The following PTPRD variants were observed in gnomAD, a reference collection of about 807,000 sequenced individuals.
The protein encoded by PTPRD is receptor-type tyrosine-protein phosphatase delta.
Under a neutral mutation model 214.5 loss-of-function variants are expected in PTPRD, and 34 were observed. The observed-to-expected ratio is 0.16, with a 90% confidence interval of 0.12 to 0.21. The LOEUF (loss-of-function observed/expected upper bound fraction) is 0.21. Ranked by LOEUF, PTPRD falls within the 10% of genes least tolerant of loss-of-function variation. PTPRD has a pLI of 1.00. For missense variants in PTPRD, 2,545 were observed against 2,398.7 expected, an observed-to-expected ratio of 1.06 and a Z score of -1.27; for synonymous variants, 1,128 against 845.7, an observed-to-expected ratio of 1.33 and a Z score of -5.79.
intron 2 of PTPRD, among the ~76,000 whole-genome samples, chr9:10,355,087 C>G (rs1023430772): frequency 6.6e-6 from 1 of 151,978 alleles, no homozygotes; most frequent in African/African-American, 2.4e-5. Flanking sequence ...TCTACTTTGG[C>G]AAATTTTATT....
intron 14 of PTPRD, among the ~76,000 whole-genome samples, chr9:8,534,978 T>C (rs1009499107): frequency 6.6e-6 from 1 of 151,960 alleles, no homozygotes; most frequent in African/African-American, 2.4e-5. Context: ...GCCTCCTTTG[T>C]GCTGGACTGG....
At chr9:8,324,385 A>G (rs1045480796) in intron 44 of PTPRD, among the ~76,000 whole-genome samples, 9 of 152,160 alleles carry the variant, frequency 5.9e-5, no homozygotes, top group Non-Finnish European at 8.8e-5. Context: ...TTTGCTGAGA[A>G]TGATGGTTTC....
At position 8,488,404 on chromosome 9, in the gene PTPRD, TCAA is replaced by T. The variant is rs548276573; in HGVS notation, c.2468-2058_2468-2056del. Among the ~76,000 whole-genome samples the T allele has an allele frequency of 3.3e-4, 50 of 152,354 alleles. 1 individual carries two copies. In the South Asian group the frequency reaches 9.5e-3, roughly 29 times the overall value. The stretch of plus-strand genomic sequence containing the variant: ...CTAAAGTTTTTAGATAAATAATTAT[TCAA>T]CAACATGTGTGCTGTGTTATACATA... On this transcript the variant is annotated intron_variant, in intron 27 of 45. Transcript: ENST00000381196.
At chr9:8,351,793 C>T (rs1252318967) in intron 39 of PTPRD, among the ~76,000 whole-genome samples, 1 of 147,700 alleles carries the variant, frequency 6.8e-6, no homozygotes, top group Admixed American at 6.7e-5. Flanking sequence ...GGGAGATGAC[C>T]CAGAGCCATG....
chr9:10,133,215 T>C (rs973165998), intron 3 of PTPRD, among the ~76,000 whole-genome samples: 1 of 152,096 alleles, frequency 6.6e-6, no homozygotes, highest in Admixed American at 6.6e-5. Context: ...TGCTGAAGTA[T>C]ATGTCCAGGT....
At chr9:8,733,700 A>T in intron 12 of PTPRD, 80 bp downstream of exon 12, 3 of 1,380,362 alleles carry the variant, frequency 2.2e-6, no homozygotes, top group Non-Finnish European at 2.0e-6. Context: ...ATGTATTCAG[A>T]GGCCCTGAGC....
intron 11 of PTPRD, among the ~76,000 whole-genome samples, chr9:8,848,592 G>C (rs1366071455): frequency 1.3e-5 from 2 of 148,392 alleles, no homozygotes; most frequent in Non-Finnish European, 3.0e-5. Flanking sequence ...TAATCCTCCT[G>C]TCTTGGCCTC....
chr9:9,841,822 G>C (rs1168553289), intron 5 of PTPRD, among the ~76,000 whole-genome samples: 1 of 151,934 alleles, frequency 6.6e-6, no homozygotes, highest in East Asian at 1.9e-4. Flanking sequence ...ATGTACCTTA[G>C]GTTAAATACT....
chr9:9,205,084 C>G (rs2099944048), intron 9 of PTPRD, among the ~76,000 whole-genome samples: 1 of 152,082 alleles, frequency 6.6e-6, no homozygotes, highest in African/African-American at 2.4e-5. Flanking sequence ...CATTACTAAT[C>G]TGATGCTTTG....
intron 5 of PTPRD, among the ~76,000 whole-genome samples, chr9:9,837,030 C>G (rs1385091761): frequency 6.6e-6 from 1 of 151,918 alleles, no homozygotes; most frequent in African/African-American, 2.4e-5. Context: ...TAATTATATC[C>G]TTATAGGTGC....
chr9:9,047,381 T>C (rs1280770262), intron 10 of PTPRD, among the ~76,000 whole-genome samples: 1 of 152,110 alleles, frequency 6.6e-6, no homozygotes, highest in Admixed American at 6.6e-5. Flanking sequence ...AATGACATTT[T>C]TTATATAAAT....
intron 11 of PTPRD, among the ~76,000 whole-genome samples, chr9:8,976,090 G>T (rs944781673): frequency 2.6e-5 from 4 of 151,968 alleles, no homozygotes; most frequent in Non-Finnish European, 5.9e-5. Flanking sequence ...TTTCTGGGGA[G>T]TCCTAATAAA....
intron 3 of PTPRD, among the ~76,000 whole-genome samples, chr9:10,075,201 C>G (rs930265557): frequency 6.6e-6 from 1 of 152,008 alleles, no homozygotes; most frequent in African/African-American, 2.4e-5. Context: ...AACCTACATT[C>G]ATTTTTATTA....
chr9:9,012,176 C>T (rs1347118027), intron 11 of PTPRD, among the ~76,000 whole-genome samples: 3 of 152,142 alleles, frequency 2.0e-5, no homozygotes, highest in Admixed American at 6.6e-5. Context: ...CTCAGTCTTA[C>T]AGCCACAGGA....
At chr9:10,207,901 AAG>A (rs1239597773) in intron 3 of PTPRD, among the ~76,000 whole-genome samples, 1 of 152,172 alleles carries the variant, frequency 6.6e-6, no homozygotes, top group Non-Finnish European at 1.5e-5. Context: ...AAAAGGAAAA[AAG>A]TAATTTACCT....
At chr9:9,366,731 A>G (rs2057990462) in intron 9 of PTPRD, among the ~76,000 whole-genome samples, 2 of 151,614 alleles carry the variant, frequency 1.3e-5, no homozygotes, top group Non-Finnish European at 1.5e-5. Flanking sequence ...CATTAAGAAT[A>G]TGGAAAAATT....
intron 14 of PTPRD, among the ~76,000 whole-genome samples, chr9:8,628,605 A>C (rs56158447): frequency 6.8e-6 from 1 of 147,448 alleles, no homozygotes; most frequent in South Asian, 2.2e-4. Flanking sequence ...TTCCCAATGC[A>C]TATCAGGCCA....
Position 10,108,871 on chromosome 9 carries a change from T to G in PTPRD, c.-544-75081A>C, listed in dbSNP as rs72694876. On this transcript the variant is annotated intron_variant, in intron 3 of 45. Coordinates refer to ENST00000381196, the MANE Select transcript of PTPRD (RefSeq NM_002839.4). The stretch of plus-strand genomic sequence containing the variant: ...AATTAAGTCAGGCACGTAAAGAGGG[T>G]TTTTTTTTTTGTTACTTCAGCATAA... Among the ~76,000 whole-genome samples the G allele has an allele frequency of 5.1e-3, 394 of 77,894 alleles. 2 individuals carry two copies. The highest frequency in any genetic ancestry group is 0.016 in the Middle Eastern group (2 of 124). 51.1% of individuals were successfully genotyped at this position (77,894 alleles called of 152,430 possible). A position where few individuals can be genotyped will look rare whatever the true frequency, so the allele number is the denominator to read the frequency against.
intron 9 of PTPRD, among the ~76,000 whole-genome samples, chr9:9,342,055 C>T (rs376881219): frequency 6.6e-5 from 10 of 152,178 alleles, no homozygotes; most frequent in Non-Finnish European, 1.0e-4. Context: ...GTGATCCACC[C>T]GTCTTGGCCT....
Sources: gnomAD v4.1 joint callset for allele counts (sites outside exome capture counted in the v4.1 genomes callset) on GRCh38, gnomAD v4.1.1 for gene constraint, MANE v1.5 for transcripts, NCBI Gene and HGNC (gene_info 2026-07-23, HGNC 2026-07-21) for gene names.